The following PITPNM2 variants were observed in gnomAD, a reference collection of about 807,000 sequenced individuals.
The protein encoded by PITPNM2 is membrane-associated phosphatidylinositol transfer protein 2.
A neutral mutation model predicts 132.2 loss-of-function variants in PITPNM2; 35 were observed. That is an observed-to-expected ratio of 0.26 (90% CI 0.20 to 0.35). The LOEUF (loss-of-function observed/expected upper bound fraction) is 0.35. PITPNM2 is among the 10% of genes least tolerant of loss of function. The pLI is 1.00. For synonymous variants in PITPNM2, 738 were observed against 799.2 expected (o/e 0.92, Z 1.29); for missense variants, 1,332 against 1,912.0 (o/e 0.70, Z 5.66).
At chr12:123,024,706 A>C (rs2039791570) in intron 3 of PITPNM2, among the ~76,000 whole-genome samples, 1 of 152,204 alleles carries the variant, frequency 6.6e-6, no homozygotes, top group South Asian at 2.1e-4. Flanking sequence ...ATTTATATAA[A>C]ATACCCAGAA....
rs149850639 is a variant in PITPNM2, at chr12:122,983,999, T to C, written c.*2028A>G. ...GTGCCAAAAGGAATCTGAAGGGAGG[T>C]GGAAAGCAGACCTGGATACAGAAGA... On this transcript the variant is annotated 3_prime_UTR_variant, in exon 26 of 26. Transcript: ENST00000320201. The C allele has an allele frequency of 0.012, 1,764 of 152,728 alleles. 36 individuals are homozygous for C. The highest frequency in any genetic ancestry group is 0.058 in the South Asian group (281 of 4,818). 9.5% of individuals were successfully genotyped at this position (152,728 alleles called of 1,614,324 possible).
intron 12 of PITPNM2, 21 bp downstream of exon 12, chr12:122,996,700 C>A: frequency 6.2e-7 from 1 of 1,610,626 alleles, no homozygotes; most frequent in Non-Finnish European, 8.5e-7. Flanking sequence ...TCCTCCCCTC[C>A]CCAACTTCCC....
At chr12:123,147,606 A>C (rs977291019) in intron 1 of PITPNM2, among the ~76,000 whole-genome samples, 1 of 152,220 alleles carries the variant, frequency 6.6e-6, no homozygotes, top group Admixed American at 6.5e-5. Flanking sequence ...AGCAGCAATA[A>C]ATATGCTGAT....
intron 14 of PITPNM2, 30 bp downstream of exon 14, chr12:122,995,359 G>T: frequency 6.4e-7 from 1 of 1,557,744 alleles, no homozygotes. Flanking sequence ...CACACCCAGA[G>T]GCAAGCCCCA....
In PITPNM2 at chr12:123,035,073, A is replaced by G. The variant is rs535362493; in HGVS notation, c.-95-388T>C. ...TAATGATAGCTGGTCATGGAAAAGC[A>G]GGCAGATCAAATAAAACTAAGCAGC... On this transcript the variant is annotated intron_variant, in intron 2 of 25. Coordinates refer to ENST00000320201, the MANE Select transcript of PITPNM2 (RefSeq NM_020845.3). Among the ~76,000 whole-genome samples, 3 of 152,350 alleles carry G rather than the reference A, an allele frequency of 2.0e-5. No individual in the cohort carries two copies. The East Asian group carries it at 5.8e-4, about 29-fold the overall frequency.
rs1429897597 is a variant in PITPNM2, at chr12:123,022,993, C to T, written c.79-8951G>A. On this transcript the variant is annotated intron_variant, in intron 3 of 25. Transcript: ENST00000320201. This position sits in a 1 kb window ranked among gnomAD's most constrained non-coding sequence, Gnocchi z 4.9. ...CTCTGCTTGTTCTCCCAGCTCCCTG[C>T]CACAGGGGCATGACTCTGTCTCCTG... is the stretch of plus-strand genomic sequence containing the variant. Among the ~76,000 whole-genome samples, 1 of 152,240 alleles carries T rather than the reference C, an allele frequency of 6.6e-6. No individual in the cohort carries two copies. Among genetic ancestry groups the T allele is most frequent in the Non-Finnish European group, 1.5e-5 (1 of 68,040 alleles).
In PITPNM2 at chr12:122,991,704, C is replaced by G. The variant is rs552198339; in HGVS notation, c.2404+795G>C. 36 of 1,290,556 alleles carry G rather than the reference C, an allele frequency of 2.8e-5. No individual in the cohort carries two copies. The South Asian group carries it at 8.5e-4, about 30-fold the overall frequency. The allele number at this position is 1,290,556 out of a possible 1,614,324, so 79.9% of individuals were successfully genotyped here. A position where few individuals can be genotyped will look rare whatever the true frequency, so the allele number is the denominator to read the frequency against. ...ATGGATTGGGGGGTGTCCCTGAGGA[C>G]CAGGTCAACCAACGAAGCAGACGTC... On this transcript the variant is annotated intron_variant, in intron 16 of 25. Transcript: ENST00000320201.
chr12:123,032,965 A>G (rs945180123), intron 3 of PITPNM2, among the ~76,000 whole-genome samples: 1 of 152,176 alleles, frequency 6.6e-6, no homozygotes, highest in Non-Finnish European at 1.5e-5. Context: ...AGCTTCCTCA[A>G]GCTCCTCCCA....
At chr12:123,074,063 A>G (rs1009007785) in intron 2 of PITPNM2, among the ~76,000 whole-genome samples, 14 of 152,182 alleles carry the variant, frequency 9.2e-5, no homozygotes, top group African/African-American at 3.4e-4. Context: ...ATGTATAACT[A>G]ATGAGTGAGG....
intron 3 of PITPNM2, among the ~76,000 whole-genome samples, chr12:123,027,045 G>A (rs2039888406): frequency 6.6e-6 from 1 of 152,134 alleles, no homozygotes; most frequent in South Asian, 2.1e-4. Context: ...AGTGGGGTGA[G>A]TGCCCACAAT....
At position 123,000,832 on chromosome 12, in the gene PITPNM2, C is replaced by T. The variant is rs2038629813; in HGVS notation, c.1170G>A (p.Gln390=). Residue 390 remains glutamine, a synonymous_variant, in exon 10 of 26, where the codon CAG becomes CAA. Coordinates refer to ENST00000320201, the MANE Select transcript of PITPNM2 (RefSeq NM_020845.3). This position sits in a 1 kb window ranked among gnomAD's most constrained non-coding sequence, Gnocchi z 5.4. ...PEDTQDGLYR[Q]GAPEFRVASS... ...AGGCCACCCTGAACTCAGGGGCACC[C>T]TGGCGGTACAGACCATCTGCAAAGA... The T allele has an allele frequency of 2.5e-6, 4 of 1,613,990 alleles. No homozygotes were observed. The highest frequency in any genetic ancestry group is 1.3e-5 in the African/African-American group (1 of 74,954).
At chr12:123,029,542 C>T (rs541650746) in intron 3 of PITPNM2, among the ~76,000 whole-genome samples, 2 of 152,170 alleles carry the variant, frequency 1.3e-5, no homozygotes, top group Admixed American at 1.3e-4. Flanking sequence ...GCTGAGATTA[C>T]ACCACTGCAC....
At position 122,997,477 on chromosome 12, in the gene PITPNM2, C is replaced by A. The variant is rs868347508; in HGVS notation, c.1320G>T (p.Gly440=). The part of the protein sequence containing the change: ...HGGTILDTGA[G]DPSSKKGDAN... The stretch of plus-strand genomic sequence containing the variant: ...CATCGCCCTTCTTGGAGCTGGGGTC[C>A]CCGGCGCCTGTGTCCAGGATGGTGC... Residue 440 remains glycine, a synonymous_variant, in exon 11 of 26, where the codon GGG becomes GGT. Coordinates refer to ENST00000320201, the MANE Select transcript of PITPNM2 (RefSeq NM_020845.3). 1 of 1,613,544 alleles carries A rather than the reference C, an allele frequency of 6.2e-7. No individual in the cohort carries two copies. Among genetic ancestry groups the A allele is most frequent in the African/African-American group, 1.3e-5 (1 of 75,030 alleles).
At chr12:122,996,085 T>C (rs1046632503) in intron 13 of PITPNM2, among the ~76,000 whole-genome samples, 1 of 152,284 alleles carries the variant, frequency 6.6e-6, no homozygotes, top group East Asian at 1.9e-4. Flanking sequence ...CCATCCTTTT[T>C]TGGAAGGGTG....
Position 122,994,754 on chromosome 12 carries a change from C to G in PITPNM2, c.2233+47G>C. ...AGGGGTCCACTGAGACCCCCGCCCC[C>G]GCACCCAGTGCATGTACCCCCCATC... is the stretch of plus-strand genomic sequence containing the variant. On this transcript the variant is annotated intron_variant, in intron 15 of 25. Transcript: ENST00000320201. The surrounding 1 kb of genome is among the most constrained non-coding windows in gnomAD (Gnocchi z 5.4). The G allele has an allele frequency of 1.3e-6, 2 of 1,565,842 alleles. No homozygotes were observed. The highest frequency in any genetic ancestry group is 1.7e-6 in the Non-Finnish European group (2 of 1,158,946).
At chr12:123,069,485 GT>G (rs2041555978) in intron 2 of PITPNM2, among the ~76,000 whole-genome samples, 1 of 152,142 alleles carries the variant, frequency 6.6e-6, no homozygotes, top group African/African-American at 2.4e-5. Context: ...AAAGGCCAGA[GT>G]CCACACCTCT....
At position 122,987,367 on chromosome 12, in the gene PITPNM2, G is replaced by A. The variant is rs1566228133; in HGVS notation, c.3327C>T (p.Val1109=). ...TVLPKGTEFV[V]FSIDGSFAAS... ...CGGCAAAGGAACCGTCGATGCTGAA[G>A]ACCACGAACTCTGTGCCCTTGGGCA... The change falls in exon 23 of 26, where the codon GTC becomes GTT. Residue 1109 remains valine (V), a synonymous_variant. Coordinates refer to ENST00000320201, the MANE Select transcript of PITPNM2 (RefSeq NM_020845.3). 6.2e-7 allele frequency: 1 copy of A among 1,613,408 alleles called. No homozygotes were observed. The highest frequency in any genetic ancestry group is 1.3e-5 in the African/African-American group (1 of 74,932).
intron 2 of PITPNM2, among the ~76,000 whole-genome samples, chr12:123,101,123 G>A (rs1385009540): frequency 6.6e-6 from 1 of 152,256 alleles, no homozygotes; most frequent in Admixed American, 6.5e-5. Flanking sequence ...CAGTGCACAG[G>A]CACTCTGTAC....
intron 2 of PITPNM2, among the ~76,000 whole-genome samples, chr12:123,101,690 G>A (rs764647155): frequency 6.6e-5 from 10 of 152,170 alleles, no homozygotes; most frequent in Non-Finnish European, 8.8e-5. Flanking sequence ...CAGCCCCCTA[G>A]AAAGCTGTAG....
Sources: gnomAD v4.1 joint callset for allele counts (sites outside exome capture counted in the v4.1 genomes callset) on GRCh38, gnomAD v4.1.1 for gene constraint, Gnocchi (gnomAD v3.1) non-coding constraint, MANE v1.5 for transcripts, NCBI Gene and HGNC (gene_info 2026-07-23, HGNC 2026-07-21) for gene names.